Variants in SCML2 observed in about 807,000 individuals in gnomAD.
SCML2 encodes the protein sex comb on midleg-like protein 2.
A neutral mutation model predicts 48.4 loss-of-function variants in SCML2; 6 were observed. The ratio of observed to expected loss-of-function variants is 0.12; its 90% CI spans 0.07 to 0.24. The LOEUF is 0.24. Among genes scored for constraint, SCML2 ranks in the 10% least tolerant of loss-of-function variants. The pLI is 1.00. For synonymous variants in SCML2, 181 were observed against 189.5 expected (o/e 0.95, Z 0.37); for missense variants, 377 against 528.2 (o/e 0.71, Z 2.81).
At chrX:18,310,581 T>C (rs1246650869) in intron 6 of SCML2, among the ~76,000 whole-genome samples, 3 of 109,890 alleles carry the variant, frequency 2.7e-5, no homozygotes, top group East Asian at 2.8e-4. Context: ...ATTTATTTTA[T>C]TTATTTTTTT....
At chrX:18,280,075 G>C (rs952129166) in intron 7 of SCML2, among the ~76,000 whole-genome samples, 1 of 111,516 alleles carries the variant, frequency 9.0e-6, no homozygotes, top group Non-Finnish European at 1.9e-5. Flanking sequence ...GATTCACCAA[G>C]GTCAATGCAA....
At chrX:18,319,339 C>T (rs779473539) in intron 6 of SCML2, among the ~76,000 whole-genome samples, 18 of 111,039 alleles carry the variant, frequency 1.6e-4, no homozygotes, top group Admixed American at 1.2e-3. Flanking sequence ...CACACCACTG[C>T]GCTCCAGCCT....
intron 7 of SCML2, among the ~76,000 whole-genome samples, chrX:18,301,668 G>A (rs781317808): frequency 9.0e-6 from 1 of 110,887 alleles, no homozygotes; most frequent in Admixed American, 9.6e-5. Flanking sequence ...AGCTACTGGC[G>A]AGGCTGAGGC....
intron 1 of SCML2, among the ~76,000 whole-genome samples, chrX:18,338,039 A>AT (rs1027727403): frequency 2.7e-5 from 3 of 112,319 alleles, no homozygotes; most frequent in African/African-American, 9.7e-5. Flanking sequence ...GCTCAAGATA[A>AT]TTTTTTTTAA....
intron 8 of SCML2, among the ~76,000 whole-genome samples, chrX:18,262,418 GC>G (rs1927101236): frequency 1.0e-5 from 1 of 96,982 alleles, no homozygotes. Context: ...TCGGCTCACT[GC>G]AACCTCCACC....
chrX:18,326,425 TC>T (rs1212484204), intron 3 of SCML2, among the ~76,000 whole-genome samples: 1 of 110,427 alleles, frequency 9.1e-6, no homozygotes, highest in Non-Finnish European at 1.9e-5. Flanking sequence ...GGCTCTGTAA[TC>T]CCAGCACTTT....
intron 7 of SCML2, among the ~76,000 whole-genome samples, chrX:18,274,482 C>T (rs2147491591): frequency 8.9e-6 from 1 of 112,367 alleles, no homozygotes; most frequent in African/African-American, 3.2e-5. Flanking sequence ...GCTGCCCTTT[C>T]TGATCCATAC....
At chrX:18,275,557 C>T (rs1196788606) in intron 7 of SCML2, among the ~76,000 whole-genome samples, 1 of 112,544 alleles carries the variant, frequency 8.9e-6, no homozygotes, top group Admixed American at 9.4e-5. Flanking sequence ...TCCCACCACA[C>T]TGTGAGTTCC....
chrX:18,343,114 T>C (rs979417386), intron 1 of SCML2, among the ~76,000 whole-genome samples: 3 of 111,142 alleles, frequency 2.7e-5, no homozygotes, highest in Admixed American at 9.6e-5. Context: ...AGAGTTTTTT[T>C]CTTTTTCTTT....
intron 11 of SCML2, among the ~76,000 whole-genome samples, chrX:18,253,327 G>A (rs1926731074): frequency 9.0e-6 from 1 of 111,506 alleles, no homozygotes; most frequent in Non-Finnish European, 1.9e-5. Flanking sequence ...GTAGAAATCT[G>A]GAGCTTCTGC....
chrX:18,319,678 T>G (rs1009100283), intron 6 of SCML2, among the ~76,000 whole-genome samples: 2 of 111,259 alleles, frequency 1.8e-5, no homozygotes, highest in Admixed American at 1.9e-4. Flanking sequence ...AAAATATATT[T>G]CTATTATTTA....
intron 11 of SCML2, among the ~76,000 whole-genome samples, chrX:18,256,090 C>T (rs1446157662): frequency 9.0e-6 from 1 of 111,671 alleles, no homozygotes; most frequent in Non-Finnish European, 1.9e-5. Context: ...TACACCTACC[C>T]TTTTATTCAG....
At chrX:18,296,486 T>A (rs764428608) in intron 7 of SCML2, among the ~76,000 whole-genome samples, 1 of 110,225 alleles carries the variant, frequency 9.1e-6, no homozygotes, top group Non-Finnish European at 1.9e-5. Context: ...AAATTTTGGA[T>A]GTTTCAAAAG....
chrX:18,319,745 C>G (rs1257269365), intron 6 of SCML2, among the ~76,000 whole-genome samples: 1 of 111,618 alleles, frequency 9.0e-6, no homozygotes, highest in Admixed American at 9.6e-5. Context: ...GAAGCACCAA[C>G]CCCCAACATA....
chrX:18,257,238 TAAGTC>T (rs1157859613), intron 10 of SCML2, among the ~76,000 whole-genome samples: 1 of 112,159 alleles, frequency 8.9e-6, no homozygotes, highest in African/African-American at 3.2e-5. Context: ...AAAATACTCT[TAAGTC>T]AACAACAACA....
At chrX:18,342,390 G>A (rs1053248831) in intron 1 of SCML2, among the ~76,000 whole-genome samples, 5 of 110,322 alleles carry the variant, frequency 4.5e-5, no homozygotes, top group Admixed American at 2.9e-4. Flanking sequence ...ATTTCATAGC[G>A]CCTGACATTG....
intron 11 of SCML2, among the ~76,000 whole-genome samples, chrX:18,254,010 T>C (rs1926753774): frequency 9.0e-6 from 1 of 111,203 alleles, no homozygotes; most frequent in African/African-American, 3.3e-5. Flanking sequence ...AAGTGAGGGG[T>C]AGTAGTGGAT....
At chrX:18,315,740 G>A (rs1040042093) in intron 6 of SCML2, among the ~76,000 whole-genome samples, 2 of 111,697 alleles carry the variant, frequency 1.8e-5, no homozygotes, top group African/African-American at 6.5e-5. Flanking sequence ...GATCCTTGTG[G>A]CCAAGGATAA....
Position 18,297,431 on chromosome X carries a change from T to C in SCML2, c.730+7541A>G, listed in dbSNP as rs182240162. ...TCTAAATGGAAAAAAGGAAGGCAAATTGTGCCTCGTGGGCTGGCTTTGGCT... is the reference window on the plus strand; with the variant it reads ...TCTAAATGGAAAAAAGGAAGGCAAACTGTGCCTCGTGGGCTGGCTTTGGCT... On this transcript the variant is annotated intron_variant, in intron 7 of 14. Coordinates refer to ENST00000251900, the MANE Select transcript of SCML2 (RefSeq NM_006089.3). Among the ~76,000 whole-genome samples the C allele has an allele frequency of 1.3e-3, 141 of 111,613 alleles. 2 individuals are homozygous for C. The highest frequency in any genetic ancestry group is 4.1e-3 in the African/African-American group (127 of 30,685).
Sources: allele counts gnomAD v4.1 joint callset (sites outside exome capture counted in the v4.1 genomes callset), GRCh38; gene constraint gnomAD v4.1.1; transcripts MANE v1.5; gene names NCBI Gene and HGNC (gene_info 2026-07-23, HGNC 2026-07-21).